The following GABPB1 variants were observed in gnomAD, a reference collection of about 807,000 sequenced individuals.
GABPB1 encodes GA-binding protein subunit beta-1.
Under a neutral mutation model 45.9 loss-of-function variants are expected in GABPB1, and 15 were observed. The ratio of observed to expected loss-of-function variants is 0.33; its 90% CI spans 0.22 to 0.50. The LOEUF (loss-of-function observed/expected upper bound fraction) is 0.50, where lower values mean the gene tolerates loss of function less well. Ranked by LOEUF, GABPB1 falls within the 20% of genes least tolerant of loss-of-function variation. The pLI is 0.98. For synonymous variants in GABPB1, 143 were observed against 154.4 expected, an observed-to-expected ratio of 0.93 and a Z score of 0.55; for missense variants, 252 against 457.5, an observed-to-expected ratio of 0.55 and a Z score of 4.10.
At chr15:50,313,815 A>C (rs2047213868) in intron 1 of GABPB1, among the ~76,000 whole-genome samples, 1 of 152,170 alleles carries the variant, frequency 6.6e-6, no homozygotes, top group Non-Finnish European at 1.5e-5. Context: ...GTCATTTTAC[A>C]AAGTTTCTAA....
chr15:50,314,235 G>C (rs2047235286), intron 1 of GABPB1, among the ~76,000 whole-genome samples: 1 of 151,736 alleles, frequency 6.6e-6, no homozygotes, highest in Non-Finnish European at 1.5e-5. Flanking sequence ...CCAGGCTGGA[G>C]TGCAGTGGCG....
rs2045885925 is a variant in GABPB1 at position 50,278,631 on chromosome 15, A to G, written c.*1T>C. 1.2e-6 allele frequency: 2 copies of G among 1,608,784 alleles called. No homozygotes were observed. Among genetic ancestry groups the G allele is most frequent in the South Asian group, 1.1e-5 (1 of 89,884 alleles). On this transcript the variant is annotated 3_prime_UTR_variant, in exon 9 of 9. Coordinates refer to ENST00000380877, the MANE Select transcript of GABPB1 (RefSeq NM_016654.5). ...AAAATCAAACTACATGTTCATTTCA[A>G]TTAAACAGCTTCTTTATTAGTCTGA...
At chr15:50,334,505 CTTTTT>C (rs60433481) in intron 1 of GABPB1, among the ~76,000 whole-genome samples, 2 of 109,406 alleles carry the variant, frequency 1.8e-5, no homozygotes, top group Admixed American at 1.0e-4. Flanking sequence ...TCTTTTTTTC[CTTTTT>C]TTTTTTTTTT....
chr15:50,293,718 T>G (rs1244875782), intron 6 of GABPB1, among the ~76,000 whole-genome samples: 1 of 152,196 alleles, frequency 6.6e-6, no homozygotes, highest in African/African-American at 2.4e-5. Context: ...CAAGGCACAA[T>G]TCAAGAACTT....
intron 1 of GABPB1, among the ~76,000 whole-genome samples, chr15:50,318,956 G>A (rs1459466171): frequency 6.6e-6 from 1 of 152,126 alleles, no homozygotes; most frequent in Non-Finnish European, 1.5e-5. Context: ...AATAGTTCCT[G>A]GGGTGTAATG....
At chr15:50,301,613 G>GT (rs1259542070) in intron 4 of GABPB1, among the ~76,000 whole-genome samples, 1 of 152,110 alleles carries the variant, frequency 6.6e-6, no homozygotes, top group Non-Finnish European at 1.5e-5. Flanking sequence ...TATCTAAAAG[G>GT]TTTTTAACAG....
chr15:50,354,457 G>A (rs542769059), intron 1 of GABPB1: 2 of 446,102 alleles, frequency 4.5e-6, no homozygotes, highest in East Asian at 7.7e-5. Context: ...CCCAGGACCC[G>A]CCACCCTCGC....
Position 50,276,102 on chromosome 15 carries a change from A to T in GABPB1, c.*2530T>A, listed in dbSNP as rs2045835804. 6.6e-6 allele frequency: 1 copy of T among 152,264 alleles called. No homozygotes were observed. The allele number at this position is 152,264 out of a possible 1,614,324, so 9.4% of individuals were successfully genotyped here. A position where few individuals can be genotyped will look rare whatever the true frequency, so the allele number is the denominator to read the frequency against. ...AACCCTGGTTGAGAAAGGTTGCTCC[A>T]GGTGTTTGTTCACACATATGTGGAA... On this transcript the variant is annotated 3_prime_UTR_variant, in exon 9 of 9. Coordinates refer to ENST00000380877, the MANE Select transcript of GABPB1 (RefSeq NM_016654.5).
At chr15:50,331,278 T>C (rs1367834607) in intron 1 of GABPB1, among the ~76,000 whole-genome samples, 1 of 152,188 alleles carries the variant, frequency 6.6e-6, no homozygotes, top group Non-Finnish European at 1.5e-5. Flanking sequence ...ATGTAGAAGA[T>C]AGTGCATTTA....
intron 6 of GABPB1, among the ~76,000 whole-genome samples, chr15:50,295,873 A>G (rs1207787567): frequency 6.6e-6 from 1 of 151,854 alleles, no homozygotes; most frequent in East Asian, 1.9e-4. Flanking sequence ...ACCTGCTGTT[A>G]TATTTGCTTA....
intron 7 of GABPB1, among the ~76,000 whole-genome samples, chr15:50,287,659 G>A (rs2046211884): frequency 6.6e-6 from 1 of 152,216 alleles, no homozygotes; most frequent in African/African-American, 2.4e-5. Flanking sequence ...CTTCAGAGCT[G>A]TGAGAAATCA....
Position 50,275,919 on chromosome 15 carries a change from G to A in GABPB1, c.*2713C>T, listed in dbSNP as rs191965990. 10 of 152,316 alleles carry A rather than the reference G, an allele frequency of 6.6e-5. No individual in the cohort carries two copies. Among genetic ancestry groups the A allele is most frequent in the Admixed American group, 5.2e-4 (8 of 15,304 alleles). The allele number at this position is 152,316 out of a possible 1,614,324, so 9.4% of individuals were successfully genotyped here. A position where few individuals can be genotyped will look rare whatever the true frequency, so the allele number is the denominator to read the frequency against. On this transcript the variant is annotated 3_prime_UTR_variant, in exon 9 of 9. Coordinates refer to ENST00000380877, the MANE Select transcript of GABPB1 (RefSeq NM_016654.5). Reference sequence around the variant, plus strand: ...GAATTTATAATTCTAGAGGTCCAGGGACTATACAGAGGGAAGTGTTAAATC... The same window carrying A: ...GAATTTATAATTCTAGAGGTCCAGGAACTATACAGAGGGAAGTGTTAAATC...
intron 1 of GABPB1, among the ~76,000 whole-genome samples, chr15:50,311,470 T>C (rs2047129499): frequency 6.6e-6 from 1 of 152,178 alleles, no homozygotes; most frequent in South Asian, 2.1e-4. Flanking sequence ...TATCTCTACC[T>C]GGTATGAACA....
At chr15:50,321,671 C>T (rs899757803) in intron 1 of GABPB1, among the ~76,000 whole-genome samples, 8 of 147,388 alleles carry the variant, frequency 5.4e-5, no homozygotes, top group Admixed American at 2.1e-4. Context: ...CATTGCACTC[C>T]AGCCTGGGCA....
chr15:50,302,142 T>C (rs2046773172), intron 4 of GABPB1, among the ~76,000 whole-genome samples: 1 of 152,178 alleles, frequency 6.6e-6, no homozygotes, highest in Non-Finnish European at 1.5e-5. Flanking sequence ...AGAAGTAATG[T>C]TGGTTACTAG....
intron 1 of GABPB1, among the ~76,000 whole-genome samples, chr15:50,316,005 G>C (rs2047314507): frequency 6.6e-6 from 1 of 152,208 alleles, no homozygotes; most frequent in African/African-American, 2.4e-5. Context: ...AGAGGCTGTA[G>C]TGAGCCAAGA....
At chr15:50,324,480 C>T (rs2047678601) in intron 1 of GABPB1, among the ~76,000 whole-genome samples, 1 of 151,718 alleles carries the variant, frequency 6.6e-6, no homozygotes, top group Non-Finnish European at 1.5e-5. Flanking sequence ...AGGTGGGCTC[C>T]CCTGGCTTTG....
chr15:50,299,875 G>A (rs2046665877), intron 6 of GABPB1, among the ~76,000 whole-genome samples: 1 of 151,818 alleles, frequency 6.6e-6, no homozygotes, highest in Non-Finnish European at 1.5e-5. Context: ...GGAATGCAGT[G>A]GCATGATCTT....
At chr15:50,300,442 T>G (rs1353648826) in intron 6 of GABPB1, among the ~76,000 whole-genome samples, 12 of 118,586 alleles carry the variant, frequency 1.0e-4, no homozygotes, top group Admixed American at 6.1e-4. Context: ...TTTGGTTTTT[T>G]TTTTTTTTTT....
Sources: allele counts gnomAD v4.1 joint callset (sites outside exome capture counted in the v4.1 genomes callset), GRCh38; gene constraint gnomAD v4.1.1; transcripts MANE v1.5; gene names NCBI Gene and HGNC (gene_info 2026-07-23, HGNC 2026-07-21).